IGF2R: variants seen among roughly 807,000 people sequenced by gnomAD.
The protein encoded by IGF2R is cation-independent mannose-6-phosphate receptor.
In IGF2R, 91 loss-of-function variants were observed where a neutral mutation model predicts 270.6. The ratio of observed to expected loss-of-function variants is 0.34; its 90% confidence interval spans 0.28 to 0.40. IGF2R has a LOEUF of 0.40. Among genes scored for constraint, IGF2R ranks in the 10% least tolerant of loss-of-function variants. The pLI, the probability that IGF2R is intolerant of heterozygous loss-of-function variation, is 1.00. For missense variants in IGF2R, 2,805 were observed against 3,188.3 expected (o/e 0.88, Z 2.90); for synonymous variants, 1,316 against 1,258.9 (o/e 1.05, Z -0.96).
chr6:160,079,454 A>G lies in IGF2R; in HGVS notation c.5479-126A>G. ...CAAGGCGATTGCGTGGCTCTGATGC[A>G]CACAGAGGAGTCTTTGCTCTTCCTC... On this transcript the variant is annotated intron_variant, in intron 37 of 47. Transcript: ENST00000356956. 5 of 601,240 alleles carry G rather than the reference A, an allele frequency of 8.3e-6. 1 individual carries two copies. The highest frequency in any genetic ancestry group is 1.3e-5 in the Non-Finnish European group (5 of 396,856). 37.2% of individuals were successfully genotyped at this position (601,240 alleles called of 1,614,324 possible).
rs1779058524 is a variant in IGF2R, at chr6:160,084,612, A to G, written c.6069-383A>G. On this transcript the variant is annotated intron_variant, in intron 40 of 47. Coordinates refer to ENST00000356956, the MANE Select transcript of IGF2R (RefSeq NM_000876.4). The surrounding 1 kb of genome is among the most constrained non-coding windows in gnomAD (Gnocchi z 4.6). ...CGCCCGCTTGGCCAGGTGCTCCTGCAAGACATCACCGAGGAGCAGGGGCAT... is the reference window on the plus strand; with the variant it reads ...CGCCCGCTTGGCCAGGTGCTCCTGCGAGACATCACCGAGGAGCAGGGGCAT... Among the ~76,000 whole-genome samples the G allele has an allele frequency of 6.6e-6, 1 of 152,164 alleles. No homozygotes were observed. The highest frequency in any genetic ancestry group is 2.1e-4 in the South Asian group (1 of 4,824).
At chr6:160,079,511 T>C (rs1778930668) in intron 37 of IGF2R, 69 bp from the exon 38 acceptor site, 1 of 1,112,828 alleles carries the variant, frequency 9.0e-7, no homozygotes, top group South Asian at 2.8e-5. Context: ...GCTGCAATAG[T>C]GGTTCTCTCT....
Position 160,048,478 on chromosome 6 carries a change from C to G in IGF2R, c.2449C>G (p.Leu817Val), listed in dbSNP as rs8191808. 7.1e-3 allele frequency: 11,447 copies of G among 1,614,220 alleles called. 123 individuals are homozygous for G. Among genetic ancestry groups the G allele is most frequent in the Middle Eastern group, 0.04 (242 of 6,062 alleles). ...ATACTACATTAACGTGTGTCGGCCTCTGAATCCAGTGCCGGGCTGCAACCG... is the reference window on the plus strand; with the variant it reads ...ATACTACATTAACGTGTGTCGGCCTGTGAATCCAGTGCCGGGCTGCAACCG... ...RKYYINVCRP[L>V]NPVPGCNRYA... Residue 817 changes from leucine (L) to valine (V), a missense_variant, in exon 18 of 48, where the codon CTG becomes GTG. This residue lies in a region of IGF2R where 1,851 missense variants were observed against 2,207.2 expected (regional missense o/e 0.84). Transcript: ENST00000356956.
intron 4 of IGF2R, among the ~76,000 whole-genome samples, chr6:160,011,696 C>G (rs911394547): frequency 6.6e-6 from 1 of 152,038 alleles, no homozygotes; most frequent in East Asian, 1.9e-4. Flanking sequence ...TGGAATGTCC[C>G]CTTCCCCAGC....
At chr6:160,043,571 G>GA (rs1181588061) in intron 12 of IGF2R, among the ~76,000 whole-genome samples, 2 of 152,226 alleles carry the variant, frequency 1.3e-5, no homozygotes, top group Non-Finnish European at 2.9e-5. Context: ...GTAACCTGAA[G>GA]AATAACATTG....
Position 160,027,251 on chromosome 6 carries a change from G to C in IGF2R, c.713G>C (p.Arg238Thr). 6.2e-7 allele frequency: 1 copy of C among 1,614,218 alleles called. No homozygotes were observed. Among genetic ancestry groups the C allele is most frequent in the Non-Finnish European group, 8.5e-7 (1 of 1,180,012 alleles). The change falls in exon 6 of 48, where the codon AGA (arginine) becomes ACA (threonine). Residue 238 changes from arginine to threonine, a missense_variant. Transcript: ENST00000356956. ...CPPGTAACLV[R>T]GHQAFDVGQP... ...CCCGGCACTGCCGCCTGCCTGGTAA[G>C]AGGACACCAGGCGTTTGATGTTGGC... is the stretch of plus-strand genomic sequence containing the variant.
intron 5 of IGF2R, 35 bp from the exon 6 acceptor site, chr6:160,027,150 A>T: frequency 6.2e-7 from 1 of 1,613,126 alleles, no homozygotes; most frequent in Non-Finnish European, 8.5e-7. Flanking sequence ...CACTCCTAAC[A>T]CCTAATCTGA....
intron 31 of IGF2R, among the ~76,000 whole-genome samples, chr6:160,071,284 T>C (rs1054338526): frequency 4.6e-5 from 4 of 87,326 alleles, no homozygotes; most frequent in African/African-American, 1.7e-4. Flanking sequence ...GAGGGAAGGG[T>C]GGGGGTGTGT....
chr6:159,981,535 ACT>A (rs1451886518), intron 1 of IGF2R, among the ~76,000 whole-genome samples: 2 of 151,622 alleles, frequency 1.3e-5, no homozygotes, highest in African/African-American at 2.4e-5. Context: ...AAGCAGTCCA[ACT>A]CTCTCTCTGG....
At chr6:160,070,121 C>T (rs1192525585) in intron 31 of IGF2R, 63 bp downstream of exon 31, 11 of 1,491,486 alleles carry the variant, frequency 7.4e-6, no homozygotes, top group Admixed American at 3.5e-5. Context: ...ATGTGCAGGG[C>T]GGTGAGCCGC....
intron 11 of IGF2R, among the ~76,000 whole-genome samples, chr6:160,041,255 G>GA (rs1261190041): frequency 6.6e-6 from 1 of 152,054 alleles, no homozygotes; most frequent in East Asian, 1.9e-4. Flanking sequence ...AATCTGATGG[G>GA]GGGGATTTCT....
At chr6:160,100,140 G>T (rs1443592247) in intron 45 of IGF2R, among the ~76,000 whole-genome samples, 2 of 152,078 alleles carry the variant, frequency 1.3e-5, no homozygotes, top group East Asian at 3.9e-4. Flanking sequence ...CAGTATGGTA[G>T]AAATAAATCT....
chr6:160,068,152 G>A, intron 29 of IGF2R, 97 bp from the exon 30 acceptor site: 1 of 1,415,828 alleles, frequency 7.1e-7, no homozygotes, highest in Admixed American at 1.8e-5. Flanking sequence ...GTCAGGCTTA[G>A]ACTATGCCTG....
intron 10 of IGF2R, 45 bp downstream of exon 10, chr6:160,034,567 G>A: frequency 8.0e-7 from 1 of 1,246,006 alleles, no homozygotes; most frequent in Non-Finnish European, 1.2e-6. Flanking sequence ...GCATTCATGG[G>A]CATGTGCTTG....
chr6:160,044,412 T>TTCTTTCTTTC lies in IGF2R; in HGVS notation c.1622-90_1622-81dup, dbSNP rs1283597312. 29 of 1,092,110 alleles carry TTCTTTCTTTC rather than the reference T, an allele frequency of 2.7e-5. No individual in the cohort carries two copies. In the African/African-American group the frequency reaches 3.6e-4, roughly 13 times the overall value. 67.7% of individuals were successfully genotyped at this position (1,092,110 alleles called of 1,614,324 possible). A position where few individuals can be genotyped will look rare whatever the true frequency, so the allele number is the denominator to read the frequency against. ...ACGTGCTGGGTTTGGGCTGATTTCTTTCTTTCTTTCTCTTTCTTTCTTTTT... is the reference window on the plus strand; with the variant it reads ...ACGTGCTGGGTTTGGGCTGATTTCTTTCTTTCTTTCTCTTTCTTTCTCTTTCTTTCTTTTT... On this transcript the variant is annotated intron_variant, in intron 12 of 47. Coordinates refer to ENST00000356956, the MANE Select transcript of IGF2R (RefSeq NM_000876.4).
intron 7 of IGF2R, among the ~76,000 whole-genome samples, chr6:160,031,101 C>T (rs2115231225): frequency 6.6e-6 from 1 of 152,300 alleles, no homozygotes; most frequent in Admixed American, 6.5e-5. Context: ...CTCGGCCTCC[C>T]ACAGTGCTGG....
intron 4 of IGF2R, 37 bp from the exon 5 acceptor site, chr6:160,024,535 T>C (rs774120576): frequency 1.2e-6 from 2 of 1,608,074 alleles, no homozygotes; most frequent in East Asian, 4.5e-5. Context: ...GACCAAGATG[T>C]ATACTGAAGA....
intron 2 of IGF2R, chr6:160,006,554 C>T (rs1784241471): frequency 6.6e-6 from 1 of 152,344 alleles, no homozygotes; most frequent in African/African-American, 2.4e-5. Flanking sequence ...TTAGAAAAGA[C>T]CCTGGGTGTT....
intron 1 of IGF2R, among the ~76,000 whole-genome samples, chr6:159,985,743 C>T (rs1292923701): frequency 6.6e-6 from 1 of 152,228 alleles, no homozygotes; most frequent in African/African-American, 2.4e-5. Context: ...GGAGCTGCTG[C>T]AGCACATGTG....
Sources: allele counts gnomAD v4.1 joint callset (sites outside exome capture counted in the v4.1 genomes callset), GRCh38; gene constraint gnomAD v4.1.1; regional missense constraint gnomAD v4.1.1; non-coding constraint Gnocchi (gnomAD v3.1); transcripts MANE v1.5; gene names NCBI Gene and HGNC (gene_info 2026-07-23, HGNC 2026-07-21).